Variants in CDC20 observed in about 807,000 individuals in gnomAD.
The protein encoded by CDC20 is cell division cycle 20.
A neutral mutation model predicts 60.0 loss-of-function variants in CDC20; 34 were observed. That is an observed-to-expected ratio of 0.57 (90% CI 0.43 to 0.75). The LOEUF is 0.75. CDC20 is among the 30% of genes least tolerant of loss of function. The pLI is 0.00. For missense variants in CDC20, 469 were observed against 647.3 expected (o/e 0.72, Z 2.99); for synonymous variants, 198 against 243.5 (o/e 0.81, Z 1.74).
chr1:43,359,506 G>A lies in CDC20; in HGVS notation c.198G>A (p.Lys66=). 6.2e-7 allele frequency: 1 copy of A among 1,614,114 alleles called. No homozygotes were observed. Among genetic ancestry groups the A allele is most frequent in the South Asian group, 1.1e-5 (1 of 91,086 alleles). ...PGRTPGKSSS[K]VQTTPSKPGG... is the part of the protein sequence containing the mutation. ...CCGCCCCAGGCAAATCCAGTTCCAA[G>A]GTTCAGACCACTCCTAGCAAACCTG... The change falls in exon 3 of 11, where the codon AAG becomes AAA. Residue 66 remains lysine (K), a synonymous_variant. Transcript: ENST00000310955.
rs1439491994 is a variant in CDC20, at chr1:43,360,786, A to G, written c.902A>G (p.His301Arg). 3 of 1,614,068 alleles carry G rather than the reference A, an allele frequency of 1.9e-6. No individual in the cohort carries two copies. The highest frequency in any genetic ancestry group is 2.7e-5 in the African/African-American group (2 of 74,924). ...CATGATGTTCGGGTAGCAGAACACC[A>G]TGTGGCCACACTGAGTGGCCACAGC... ...HHHDVRVAEH[H>R]VATLSGHSQE... The change falls in exon 8 of 11, where the codon CAT becomes CGT. Residue 301 changes from histidine to arginine, a missense_variant. Coordinates refer to ENST00000310955, the MANE Select transcript of CDC20 (RefSeq NM_001255.3).
At position 43,360,181 on chromosome 1, in the gene CDC20, C is replaced by A. The variant is rs1484268431; in HGVS notation, c.557-12C>A. 6.2e-7 allele frequency: 1 copy of A among 1,613,962 alleles called. No individual in the cohort carries two copies. Among genetic ancestry groups the A allele is most frequent in the Admixed American group, 1.7e-5 (1 of 60,024 alleles). ...ACAAGGAAGCTCATGCTCTTCTCTC[C>A]ACCTCTGACAGACCTGAACCTTGTG... On this transcript the variant is annotated splice_polypyrimidine_tract_variant and intron_variant, in intron 5 of 10. Transcript: ENST00000310955.
chr1:43,360,034 T>C lies in CDC20; in HGVS notation c.493T>C (p.Cys165Arg), dbSNP rs1319447458. 1.2e-6 allele frequency: 2 copies of C among 1,614,096 alleles called. No homozygotes were observed. The highest frequency in any genetic ancestry group is 1.7e-6 in the Non-Finnish European group (2 of 1,180,028). The change falls in exon 5 of 11, where the codon TGC (cysteine) becomes CGC (arginine). Residue 165 changes from cysteine (C) to arginine (R), a missense_variant. By Grantham distance (180) the Cys-to-Arg change is radical (BLOSUM62 -3). Transcript: ENST00000310955. ...CACTCCTGGCTCCAGCCGGAAGACC[T>C]GCCGTTACATTCCTTCCCTGCCAGA... ...KATPGSSRKT[C>R]RYIPSLPDRI...
In CDC20 at chr1:43,359,265, A is replaced by T; in HGVS notation, c.50A>T (p.Asp17Val). 6.2e-7 allele frequency: 1 copy of T among 1,611,938 alleles called. No individual in the cohort carries two copies. The highest frequency in any genetic ancestry group is 8.5e-7 in the Non-Finnish European group (1 of 1,179,922). ...GACCTGCACTCGCTGCTTCAGCTGG[A>T]TGCACCCATCCCCAATGCACCCCCT... ...ESDLHSLLQLDAPIPNAPPAR... is the reference protein window; with the variant it reads ...ESDLHSLLQLVAPIPNAPPAR... The change falls in exon 2 of 11, where the codon GAT becomes GTT. Residue 17 changes from aspartate (D) to valine (V), a missense_variant. Asp to Val is a radical substitution (Grantham distance 152, BLOSUM62 -3). This residue lies in a region of CDC20 where 115 missense variants were observed against 156.1 expected (regional missense o/e 0.74). Coordinates refer to ENST00000310955, the MANE Select transcript of CDC20 (RefSeq NM_001255.3).
rs775560252 is a variant in CDC20, at chr1:43,360,818, G to C, written c.934G>C (p.Val312Leu). 3 of 1,614,212 alleles carry C rather than the reference G, an allele frequency of 1.9e-6. No individual in the cohort carries two copies. Among genetic ancestry groups the C allele is most frequent in the Non-Finnish European group, 2.5e-6 (3 of 1,180,006 alleles). The change falls in exon 8 of 11, where the codon GTG (valine) becomes CTG (leucine). Residue 312 changes from valine to leucine, a missense_variant. Val to Leu is a conservative substitution (Grantham distance 32). Around this residue, in one of 5 missense-constraint regions of CDC20, gnomAD observed 255 missense variants for 326.7 expected, o/e 0.78. Transcript: ENST00000310955. ...CACACTGAGTGGCCACAGCCAGGAAGTGTGTGGGCTGCGCTGGGCCCCAGA... is the reference window on the plus strand; with the variant it reads ...CACACTGAGTGGCCACAGCCAGGAACTGTGTGGGCTGCGCTGGGCCCCAGA... ...VATLSGHSQE[V>L]CGLRWAPDGR...
chr1:43,362,725 C>T (rs1013754341), intron 10 of CDC20, among the ~76,000 whole-genome samples: 1 of 152,072 alleles, frequency 6.6e-6, no homozygotes, highest in Non-Finnish European at 1.5e-5. Context: ...ATTAGCCAGG[C>T]GTGGTGGCAA....
At chr1:43,359,932 G>A (rs1647163880) in intron 4 of CDC20, 37 bp from the exon 5 acceptor site, 1 of 1,613,526 alleles carries the variant, frequency 6.2e-7, no homozygotes, top group Non-Finnish European at 8.5e-7. Flanking sequence ...GGGAGGTGTT[G>A]ATTTTCCCAG....
rs1647168512 is a variant in CDC20 at position 43,360,609 on chromosome 1, T to G, written c.848+16T>G. The G allele has an allele frequency of 6.2e-7, 1 of 1,606,904 alleles. No individual in the cohort carries two copies. The highest frequency in any genetic ancestry group is 8.5e-7 in the Non-Finnish European group (1 of 1,173,480). ...TCCTGTCCAGGTCAGTGGTTTTTGT[T>G]GGTCTATGGTAGTCTGATATTTGCC... On this transcript the variant is annotated intron_variant, in intron 7 of 10. Coordinates refer to ENST00000310955, the MANE Select transcript of CDC20 (RefSeq NM_001255.3).
chr1:43,363,066 G>A lies in CDC20; in HGVS notation c.1437G>A (p.Arg479=). 1 of 1,613,586 alleles carries A rather than the reference G, an allele frequency of 6.2e-7. No homozygotes were observed. The highest frequency in any genetic ancestry group is 8.5e-7 in the Non-Finnish European group (1 of 1,179,862). ...GCTGTTTTGAGTTGGACCCTGCGCG[G>A]CGGCGGGAGCGGGAGAAGGCCAGTG... ...LWRCFELDPA[R]RREREKASAA... Residue 479 remains arginine, a synonymous_variant, in exon 11 of 11, where the codon CGG becomes CGA. Coordinates refer to ENST00000310955, the MANE Select transcript of CDC20 (RefSeq NM_001255.3).
rs1272320385 is a variant in CDC20, at chr1:43,359,742, G to C, written c.348G>C (p.Trp116Cys). ...TPTKKEHQKA[W>C]ALNLNGFDVE... is the part of the protein sequence containing the mutation. ...TATGCCAGGAACATCAGAAAGCCTG[G>C]GCTTTGAACCTGAACGGTTTTGATG... The change falls in exon 4 of 11, where the codon TGG (tryptophan) becomes TGC (cysteine). Residue 116 changes from tryptophan to cysteine, a missense_variant. By Grantham distance (215) the Trp-to-Cys change is radical. This residue lies in a region of CDC20 where 115 missense variants were observed against 156.1 expected (regional missense o/e 0.74). Transcript: ENST00000310955. 6.2e-7 allele frequency: 1 copy of C among 1,613,918 alleles called. No homozygotes were observed.
rs776782901 is a variant in CDC20 at position 43,360,484 on chromosome 1, G to A, written c.754-15G>A. On this transcript the variant is annotated splice_polypyrimidine_tract_variant and intron_variant, in intron 6 of 10. Transcript: ENST00000310955. ...CAAGTCCCAATCTCTGATCCTAGTG[G>A]GCTTCTCTCTCTAGCTATGGGATGT... is the stretch of plus-strand genomic sequence containing the variant. 1.2e-6 allele frequency: 2 copies of A among 1,611,556 alleles called. No homozygotes were observed. The highest frequency in any genetic ancestry group is 1.7e-6 in the Non-Finnish European group (2 of 1,177,634).
chr1:43,361,319 C>T, intron 9 of CDC20, 74 bp downstream of exon 9: 1 of 1,395,318 alleles, frequency 7.2e-7, no homozygotes, highest in Non-Finnish European at 9.7e-7. Flanking sequence ...AATGGCTTCA[C>T]CAACTCTATG....
At chr1:43,361,292 G>A (rs762196895) in intron 9 of CDC20, 47 bp downstream of exon 9, 3 of 1,507,406 alleles carry the variant, frequency 2.0e-6, no homozygotes, top group East Asian at 4.8e-5. Context: ...TTCTTACCGG[G>A]CAACTACATT....
chr1:43,359,424 G>A, intron 2 of CDC20, 28 bp downstream of exon 2: 12 of 1,612,798 alleles, frequency 7.4e-6, no homozygotes, highest in Non-Finnish European at 1.0e-5. Flanking sequence ...GGAACTGAGT[G>A]AGAGCAGCCT....
Position 43,359,411 on chromosome 1 carries a change from A to G in CDC20, c.181+15A>G. 6.2e-7 allele frequency: 1 copy of G among 1,612,776 alleles called. No homozygotes were observed. Among genetic ancestry groups the G allele is most frequent in the Non-Finnish European group, 8.5e-7 (1 of 1,179,178 alleles). On this transcript the variant is annotated intron_variant, in intron 2 of 10. Transcript: ENST00000310955. ...CCGAACTCCTGGTCAGTGAGGTGCCAAAGGAACTGAGTGAGAGCAGCCTTC... is the reference window on the plus strand; with the variant it reads ...CCGAACTCCTGGTCAGTGAGGTGCCGAAGGAACTGAGTGAGAGCAGCCTTC...
intron 10 of CDC20, 101 bp downstream of exon 10, chr1:43,362,413 C>A: frequency 1.6e-6 from 1 of 643,528 alleles, no homozygotes. Flanking sequence ...TAATGGTTGC[C>A]AGGGGCTGAG....
chr1:43,362,811 GC>G lies in CDC20; in HGVS notation c.1322-138del, dbSNP rs748266567. 95 of 649,200 alleles carry G rather than the reference GC, an allele frequency of 1.5e-4. No homozygotes were observed. The Middle Eastern group carries it at 2.2e-3, about 15-fold the overall frequency. 40.2% of individuals were successfully genotyped at this position (649,200 alleles called of 1,614,324 possible). ...ACCCAGGAGGCGGAGCTTGCAGTGA[GC>G]CAAGATTGCGCCACTGCACTCCAGC... On this transcript the variant is annotated intron_variant, in intron 10 of 10. Coordinates refer to ENST00000310955, the MANE Select transcript of CDC20 (RefSeq NM_001255.3).
At position 43,362,355 on chromosome 1, in the gene CDC20, T is replaced by C. The variant is rs1231454480; in HGVS notation, c.1321+43T>C. 3.6e-6 allele frequency: 3 copies of C among 838,326 alleles called. No individual in the cohort carries two copies. The East Asian group carries it at 7.3e-5, about 20-fold the overall frequency. 51.9% of individuals were successfully genotyped at this position (838,326 alleles called of 1,614,324 possible). On this transcript the variant is annotated intron_variant, in intron 10 of 10. Coordinates refer to ENST00000310955, the MANE Select transcript of CDC20 (RefSeq NM_001255.3). ...AAGCCGGACATAAAAGGCCACATAA[T>C]GTATGACTGAAATGTCCAGAATAAG...
At position 43,359,746 on chromosome 1, in the gene CDC20, T is replaced by C. The variant is rs751151700; in HGVS notation, c.352T>C (p.Leu118=). 1.2e-6 allele frequency: 2 copies of C among 1,613,928 alleles called. No homozygotes were observed. Among genetic ancestry groups the C allele is most frequent in the South Asian group, 2.2e-5 (2 of 91,084 alleles). ...TKKEHQKAWA[L]NLNGFDVEEA... ...CCAGGAACATCAGAAAGCCTGGGCT[T>C]TGAACCTGAACGGTTTTGATGTAGA... The change falls in exon 4 of 11, where the codon TTG becomes CTG. Residue 118 remains leucine (L), a synonymous_variant. Coordinates refer to ENST00000310955, the MANE Select transcript of CDC20 (RefSeq NM_001255.3).
Sources: allele counts gnomAD v4.1 joint callset (sites outside exome capture counted in the v4.1 genomes callset), GRCh38; gene constraint gnomAD v4.1.1; regional missense constraint gnomAD v4.1.1; transcripts MANE v1.5; gene names NCBI Gene and HGNC (gene_info 2026-07-23, HGNC 2026-07-21).